The following SCN7A variants were observed in gnomAD, a reference collection of about 807,000 sequenced individuals.
SCN7A encodes the protein sodium channel protein type 7 subunit alpha.
SCN7A carries 138 observed loss-of-function variants against 155.2 expected under a neutral mutation model. The ratio of observed to expected loss-of-function variants is 0.89; its 90% CI spans 0.77 to 1.02. The LOEUF (loss-of-function observed/expected upper bound fraction) is 1.02. Among genes scored for constraint, SCN7A ranks in the 50% least tolerant of loss-of-function variants. SCN7A has a pLI of 0.00. For synonymous variants in SCN7A, 693 were observed against 649.0 expected (o/e 1.07, Z -1.03); for missense variants, 2,058 against 1,986.6 (o/e 1.04, Z -0.68).
At chr2:166,447,801 A>T in intron 11 of SCN7A, 93 bp from the exon 12 acceptor site, 1 of 783,846 alleles carries the variant, frequency 1.3e-6, no homozygotes. Context: ...AATGCCACTT[A>T]TTCTCCCGGA....
At chr2:166,427,590 A>G (rs777904620) in intron 18 of SCN7A, among the ~76,000 whole-genome samples, 198 bp downstream of exon 18, 2 of 152,060 alleles carry the variant, frequency 1.3e-5, no homozygotes, top group African/African-American at 2.4e-5. Context: ...ATTAAATTTA[A>G]TATTGAATGA....
chr2:166,448,562 A>G (rs1004919647), intron 11 of SCN7A, among the ~76,000 whole-genome samples: 1 of 152,116 alleles, frequency 6.6e-6, no homozygotes, highest in Non-Finnish European at 1.5e-5. Flanking sequence ...CTAACTTACA[A>G]TCCCACTAAT....
chr2:166,459,781 G>C (rs1472410250), intron 10 of SCN7A, among the ~76,000 whole-genome samples: 1 of 152,100 alleles, frequency 6.6e-6, no homozygotes, highest in Non-Finnish European at 1.5e-5. Flanking sequence ...ATACACCATG[G>C]AATACTATGC....
intron 21 of SCN7A, among the ~76,000 whole-genome samples, chr2:166,414,933 A>ATAATATATATTATT (rs1701336699): frequency 8.6e-6 from 1 of 116,690 alleles, no homozygotes; most frequent in African/African-American, 3.5e-5. Context: ...ATATTATTAT[A>ATAATATATATTATT]TAGGATAATA....
In SCN7A at chr2:166,409,939, T is replaced by C; in HGVS notation, c.3712-4A>G. The C allele has an allele frequency of 6.4e-7, 1 of 1,554,050 alleles. No homozygotes were observed. Among genetic ancestry groups the C allele is most frequent in the Non-Finnish European group, 8.7e-7 (1 of 1,148,214 alleles). ...AGATGAATCCTTGGAGCTTGTTCTGTGGGTAAAATCAACAGGTGTAATAGT... is the reference window on the plus strand; with the variant it reads ...AGATGAATCCTTGGAGCTTGTTCTGCGGGTAAAATCAACAGGTGTAATAGT... On this transcript the variant is annotated splice_polypyrimidine_tract_variant and splice_region_variant and intron_variant, in intron 24 of 25. Transcript: ENST00000643258.
In SCN7A at chr2:166,409,672, G is replaced by A; in HGVS notation, c.3975C>T (p.Ser1325=). The change falls in exon 25 of 26, where the codon TCC becomes TCT. Residue 1325 remains serine, a synonymous_variant. Transcript: ENST00000643258. ...GACTAAACAAAATCTTACCTGTGAT[G>A]GAGAAAATAACCACCATAAAATCAA... The part of the protein sequence containing the change: ...NIFDFMVVIF[S]ITGLCLPMTV... 2 of 1,507,936 alleles carry A rather than the reference G, an allele frequency of 1.3e-6. No individual in the cohort carries two copies. The highest frequency in any genetic ancestry group is 1.8e-6 in the Non-Finnish European group (2 of 1,131,120). 93.4% of individuals were successfully genotyped at this position (1,507,936 alleles called of 1,614,324 possible).
chr2:166,406,391 T>C lies in SCN7A; in HGVS notation c.4238A>G (p.Asp1413Gly). The C allele has an allele frequency of 1.2e-6, 2 of 1,613,040 alleles. No homozygotes were observed. The highest frequency in any genetic ancestry group is 8.5e-7 in the Non-Finnish European group (1 of 1,179,376). The stretch of plus-strand genomic sequence containing the variant: ...GCCAAAGGTTTCAAAATTAGACACA[T>C]CATTAATTCCAGCTTCTTTTTTAAC... ...AYVKKEAGIN[D>G]VSNFETFGNS... The change falls in exon 26 of 26, where the codon GAT (aspartate) becomes GGT (glycine). Residue 1413 changes from aspartate to glycine, a missense_variant. Coordinates refer to ENST00000643258, the MANE Select transcript of SCN7A (RefSeq NM_002976.4).
chr2:166,412,571 T>C lies in SCN7A; in HGVS notation c.3565A>G (p.Ile1189Val), dbSNP rs765300049. 68 of 1,510,592 alleles carry C rather than the reference T, an allele frequency of 4.5e-5. No individual in the cohort carries two copies. In the African/African-American group the frequency reaches 7.1e-4, roughly 16 times the overall value. The allele number at this position is 1,510,592 out of a possible 1,614,324, so 93.6% of individuals were successfully genotyped here. Residue 1189 changes from isoleucine (I) to valine (V), a missense_variant, in exon 23 of 26, where the codon ATT (isoleucine) becomes GTT (valine). Ile to Val is a conservative substitution (Grantham distance 29, BLOSUM62 3). Transcript: ENST00000643258. ...TTGAAATTATCAATAATAACAGTAA[T>C]CAGCATACTCAGAGGGAGAAATACT... ...FGVFLPLSMLITVIIDNFNKH... is the reference protein window; with the variant it reads ...FGVFLPLSMLVTVIIDNFNKH...
chr2:166,445,718 G>T (rs566615666), intron 12 of SCN7A, among the ~76,000 whole-genome samples: 4 of 152,084 alleles, frequency 2.6e-5, no homozygotes, highest in African/African-American at 9.6e-5. Context: ...AAGCTGACTT[G>T]ATCATGGTGG....
rs374349539 is a variant in SCN7A at position 166,405,779 on chromosome 2, G to T, written c.4850C>A (p.Thr1617Lys). The T allele has an allele frequency of 4.3e-6, 7 of 1,612,834 alleles. No homozygotes were observed. The highest frequency in any genetic ancestry group is 1.3e-5 in the African/African-American group (1 of 74,836). ...NPFKITCEPI[T>K]TTLKRKQEAV... is the part of the protein sequence containing the mutation. ...CTCTTGTTTTCGTTTCAAAGTAGTCGTAATTGGCTCACATGTGATCTTAAA... is the reference window on the plus strand; with the variant it reads ...CTCTTGTTTTCGTTTCAAAGTAGTCTTAATTGGCTCACATGTGATCTTAAA... The change falls in exon 26 of 26, where the codon ACG becomes AAG. Residue 1617 changes from threonine (T) to lysine (K), a missense_variant. Transcript: ENST00000643258.
At position 166,443,515 on chromosome 2, in the gene SCN7A, T is replaced by A. The variant is rs1277521965; in HGVS notation, c.1788A>T (p.Arg596=). 1.3e-6 allele frequency: 2 copies of A among 1,593,456 alleles called. No individual in the cohort carries two copies. Among genetic ancestry groups the A allele is most frequent in the African/African-American group, 2.7e-5 (2 of 74,416 alleles). The change falls in exon 14 of 26, where the codon CGA becomes CGT. Residue 596 remains arginine (R), a synonymous_variant. Transcript: ENST00000643258. ...GGATTCTACTTACCATCCTGAATAA[T>A]CGAAGAAGAGCCATTCCTGCAACAT... ...LANVAGMALL[R]LFRMLRIFKL...
rs903422573 is a variant in SCN7A, at chr2:166,447,618, T to C, written c.1381A>G (p.Lys461Glu). 5 of 1,605,170 alleles carry C rather than the reference T, an allele frequency of 3.1e-6. No individual in the cohort carries two copies. The highest frequency in any genetic ancestry group is 8.5e-7 in the Non-Finnish European group (1 of 1,172,486). The change falls in exon 12 of 26, where the codon AAG becomes GAG. Residue 461 changes from lysine (K) to glutamate (E), a missense_variant. Transcript: ENST00000643258. The part of the protein sequence containing the change: ...DVLEDATLRH[K>E]EELEKSKKIC... The stretch of plus-strand genomic sequence containing the variant: ...TACTTATTTAGTACTTTACCTTCCT[T>C]ATGTCTGAGAGTAGCATCTTCCAAC...
intron 2 of SCN7A, among the ~76,000 whole-genome samples, chr2:166,480,737 G>C (rs2105521701): frequency 6.6e-6 from 1 of 152,292 alleles, no homozygotes. Context: ...TGTGGAAAGA[G>C]AATATCGAAA....
chr2:166,415,927 G>T (rs901523190), intron 21 of SCN7A, among the ~76,000 whole-genome samples: 7 of 152,190 alleles, frequency 4.6e-5, no homozygotes, highest in South Asian at 4.2e-4. Context: ...TTTTCTTCTT[G>T]CAGAGAGCCT....
intron 5 of SCN7A, 113 bp from the exon 6 acceptor site, chr2:166,472,558 G>A: frequency 1.1e-6 from 1 of 891,356 alleles, no homozygotes. Context: ...TCAGGAAGGT[G>A]AGACCAGGTC....
chr2:166,418,083 T>C (rs1477176591), intron 20 of SCN7A, among the ~76,000 whole-genome samples: 2 of 150,794 alleles, frequency 1.3e-5, no homozygotes, highest in Non-Finnish European at 3.0e-5. Context: ...TTTTACTATT[T>C]CCACTACTTA....
At chr2:166,440,705 TA>T (rs1298127887) in intron 15 of SCN7A, 2 of 152,048 alleles carry the variant, frequency 1.3e-5, no homozygotes, top group Non-Finnish European at 2.9e-5. Context: ...TACAAATAAA[TA>T]AAGGGAGACT....
rs71031248 is a variant in SCN7A at position 166,462,088 on chromosome 2, C to CAAA, written c.1083+298_1083+300dup. On this transcript the variant is annotated intron_variant, in intron 10 of 25. Coordinates refer to ENST00000643258, the MANE Select transcript of SCN7A (RefSeq NM_002976.4). Reference sequence around the variant, plus strand: ...TGGGTGACAGAGTGAGACTCCGTCTCAAAAAAAAAAAAAAAAAAAAAGCAC... The same window carrying CAAA: ...TGGGTGACAGAGTGAGACTCCGTCTCAAAAAAAAAAAAAAAAAAAAAAAAGCAC... The CAAA allele has an allele frequency of 6.0e-3, 412 of 68,176 alleles. 16 individuals are homozygous for CAAA. The highest frequency in any genetic ancestry group is 8.6e-3 in the Non-Finnish European group (320 of 37,200). The allele number at this position is 68,176 out of a possible 1,614,324, so 4.2% of individuals were successfully genotyped here. A position where few individuals can be genotyped will look rare whatever the true frequency, so the allele number is the denominator to read the frequency against.
At chr2:166,414,141 A>G (rs1482045787) in intron 21 of SCN7A, among the ~76,000 whole-genome samples, 1 of 65,086 alleles carries the variant, frequency 1.5e-5, no homozygotes, top group South Asian at 4.3e-4. Context: ...ATATATGTAA[A>G]TATATATAAA....
Sources: allele counts gnomAD v4.1 joint callset (sites outside exome capture counted in the v4.1 genomes callset), GRCh38; gene constraint gnomAD v4.1.1; transcripts MANE v1.5; gene names NCBI Gene and HGNC (gene_info 2026-07-23, HGNC 2026-07-21).